Variants in ATP13A3 observed in about 807,000 individuals in gnomAD.
ATP13A3 encodes the protein ATPase 13A3.
A neutral mutation model predicts 158.1 loss-of-function variants in ATP13A3; 59 were observed. That is an observed-to-expected ratio of 0.37 (90% CI 0.30 to 0.46). The LOEUF (loss-of-function observed/expected upper bound fraction) is 0.46, where lower values mean the gene tolerates loss of function less well. ATP13A3 is among the 20% of genes least tolerant of loss of function. The pLI is 1.00. For synonymous variants in ATP13A3, 491 were observed against 504.3 expected (o/e 0.97, Z 0.35); for missense variants, 1,166 against 1,525.2 (o/e 0.76, Z 3.92).
intron 2 of ATP13A3, among the ~76,000 whole-genome samples, chr3:194,469,852 A>C (rs534982162): frequency 6.6e-6 from 1 of 152,210 alleles, no homozygotes; most frequent in Non-Finnish European, 1.5e-5. Context: ...GTTCAAAATC[A>C]GTTCTACTTT....
In ATP13A3 at chr3:194,413,636, C is replaced by G. The variant is rs1410006853; in HGVS notation, c.3483+123G>C. The G allele has an allele frequency of 4.6e-6, 4 of 871,352 alleles. No individual in the cohort carries two copies. The African/African-American group carries it at 5.0e-5, about 11-fold the overall frequency. 54.0% of individuals were successfully genotyped at this position (871,352 alleles called of 1,614,324 possible). On this transcript the variant is annotated intron_variant, in intron 32 of 33. Coordinates refer to ENST00000645319, the MANE Select transcript of ATP13A3 (RefSeq NM_001367549.1). ...ACAAGAGAAGGCTAAATGAATTTGC[C>G]TGAGATGAAACTGAGACTCTGTGGC...
At chr3:194,430,576 T>C (rs1399005451) in intron 24 of ATP13A3, among the ~76,000 whole-genome samples, 1 of 152,214 alleles carries the variant, frequency 6.6e-6, no homozygotes, top group East Asian at 1.9e-4. Flanking sequence ...TTTCCTCATC[T>C]TTAGAGCAAA....
intron 20 of ATP13A3, among the ~76,000 whole-genome samples, chr3:194,435,744 C>T (rs1412619804): frequency 6.6e-6 from 1 of 151,922 alleles, no homozygotes; most frequent in Non-Finnish European, 1.5e-5. Flanking sequence ...CTGTCTCTAC[C>T]TAAAATACAA....
chr3:194,476,214 C>G (rs1026417533), intron 2 of ATP13A3, among the ~76,000 whole-genome samples: 1 of 152,060 alleles, frequency 6.6e-6, no homozygotes, highest in Non-Finnish European at 1.5e-5. Context: ...TTCCTCTGCC[C>G]GCTTCTTAAT....
chr3:194,427,950 C>G (rs13062612), intron 28 of ATP13A3, among the ~76,000 whole-genome samples: 56,076 of 151,838 alleles, frequency 0.37, 15,067 homozygotes, highest in African/African-American at 0.76. Flanking sequence ...GCTGGGCACA[C>G]TGGCTCACGC....
At chr3:194,437,643 T>G (rs905437526) in intron 17 of ATP13A3, 70 bp from the exon 18 acceptor site, 15 of 1,410,036 alleles carry the variant, frequency 1.1e-5, no homozygotes, top group Admixed American at 2.5e-5. Flanking sequence ...TTAGAAAAAG[T>G]TTACTAAGCA....
Position 194,473,022 on chromosome 3 carries a change from A to T in ATP13A3, c.-46-10786T>A, listed in dbSNP as rs568134017. 1.1e-3 allele frequency among the ~76,000 whole-genome samples: 168 copies of T among 152,274 alleles called. 1 individual carries two copies. The highest frequency in any genetic ancestry group is 3.9e-3 in the African/African-American group (162 of 41,560). ...ACTAGATGAAGGAAGGGGTGGGGCA[A>T]GGGTACCTATTGGGTACTCTGCTTA... On this transcript the variant is annotated intron_variant, in intron 2 of 33. Transcript: ENST00000645319.
intron 33 of ATP13A3, among the ~76,000 whole-genome samples, chr3:194,408,091 C>A (rs1454194776): frequency 6.6e-6 from 1 of 150,946 alleles, no homozygotes; most frequent in South Asian, 2.1e-4. Flanking sequence ...GTGATCTAAG[C>A]TCACTGCAAC....
At chr3:194,443,556 T>C (rs1174069597) in intron 15 of ATP13A3, among the ~76,000 whole-genome samples, 1 of 152,076 alleles carries the variant, frequency 6.6e-6, no homozygotes, top group Non-Finnish European at 1.5e-5. Context: ...GCTATATAAT[T>C]ATAAGACAAA....
Position 194,437,386 on chromosome 3 carries a change from G to A in ATP13A3, c.1924C>T (p.Leu642=). 2.5e-6 allele frequency: 4 copies of A among 1,614,104 alleles called. No individual in the cohort carries two copies. The highest frequency in any genetic ancestry group is 1.6e-4 in the Middle Eastern group (1 of 6,062). The change falls in exon 19 of 34, where the codon CTG becomes TTG. Residue 642 remains leucine, a synonymous_variant. Transcript: ENST00000645319. ...LQRMSVVARV[L]GDRKMDAYMK... Reference sequence around the variant, plus strand: ...TAGGCGTCCATTTTCCTATCCCCCAGCACCCTGGCAACCACACTCATACGT... The same window carrying A: ...TAGGCGTCCATTTTCCTATCCCCCAACACCCTGGCAACCACACTCATACGT...
intron 20 of ATP13A3, among the ~76,000 whole-genome samples, chr3:194,435,000 A>T (rs964759247): frequency 1.3e-5 from 2 of 152,168 alleles, no homozygotes; most frequent in Non-Finnish European, 2.9e-5. Flanking sequence ...TTTTTTCTCA[A>T]TGGGGAAGGA....
intron 33 of ATP13A3, 107 bp from the exon 34 acceptor site, chr3:194,406,223 A>C: frequency 8.4e-7 from 1 of 1,185,404 alleles, no homozygotes; most frequent in Admixed American, 2.6e-5. Flanking sequence ...ATAAGAGGAA[A>C]TGACTTCTGA....
At chr3:194,430,880 C>A in intron 24 of ATP13A3, 63 bp downstream of exon 24, 1 of 1,287,962 alleles carries the variant, frequency 7.8e-7, no homozygotes, top group South Asian at 1.6e-5. Context: ...AATTATTTTT[C>A]TGATGCTGAA....
At chr3:194,429,975 A>C in intron 26 of ATP13A3, 97 bp downstream of exon 26, 1 of 1,157,870 alleles carries the variant, frequency 8.6e-7, no homozygotes, top group Non-Finnish European at 1.2e-6. Flanking sequence ...TAATCTGCTA[A>C]TATTAAACAA....
chr3:194,454,188 T>G (rs1366466811), intron 9 of ATP13A3, 70 bp downstream of exon 9: 14 of 1,421,694 alleles, frequency 9.8e-6, no homozygotes, highest in Non-Finnish European at 1.3e-5. Context: ...CTGAGTACTA[T>G]TCTACACACA....
At position 194,426,982 on chromosome 3, in the gene ATP13A3, G is replaced by A. The variant is rs531291109; in HGVS notation, c.3125+93C>T. ...CTACAGGTGTGAGCCACCGCACCTG[G>A]CACAAACTTTTATATTAACTTCTAA... On this transcript the variant is annotated intron_variant, in intron 29 of 33. Coordinates refer to ENST00000645319, the MANE Select transcript of ATP13A3 (RefSeq NM_001367549.1). 422 of 1,397,498 alleles carry A rather than the reference G, an allele frequency of 3.0e-4. 1 individual carries two copies. The African/African-American group carries it at 5.4e-3, about 18-fold the overall frequency. The allele number at this position is 1,397,498 out of a possible 1,614,324, so 86.6% of individuals were successfully genotyped here.
At chr3:194,410,317 A>AC (rs1560066705) in intron 33 of ATP13A3, among the ~76,000 whole-genome samples, 6 of 145,488 alleles carry the variant, frequency 4.1e-5, no homozygotes, top group Admixed American at 6.9e-5. Flanking sequence ...AAAAAAAAAA[A>AC]AAAAAAAAAA....
At chr3:194,488,279 A>G (rs76788556), upstream of ATP13A3, 5,912 of 152,284 alleles carry the variant, frequency 0.039, 198 homozygotes, top group African/African-American at 0.09. The surrounding 1 kb of genome is among the most constrained non-coding windows in gnomAD (Gnocchi z 4.1). Context: ...CCACAAGAAA[A>G]CGGTCTGGGT....
chr3:194,421,258 T>TA (rs1165915576), intron 30 of ATP13A3, among the ~76,000 whole-genome samples: 1 of 135,292 alleles, frequency 7.4e-6, no homozygotes, highest in Admixed American at 7.6e-5. Flanking sequence ...CCAAAAGGAT[T>TA]AAAAAAAATG....
Sources: allele counts gnomAD v4.1 joint callset (sites outside exome capture counted in the v4.1 genomes callset), GRCh38; gene constraint gnomAD v4.1.1; non-coding constraint Gnocchi (gnomAD v3.1); transcripts MANE v1.5; gene names NCBI Gene and HGNC (gene_info 2026-07-23, HGNC 2026-07-21).